Variants in NFIX observed in about 807,000 individuals in gnomAD.
The protein encoded by NFIX is nuclear factor 1 X-type.
In NFIX, 2 loss-of-function variants were observed where a neutral mutation model predicts 53.3. The observed-to-expected ratio is 0.04, with a 90% CI of 0.02 to 0.12. The LOEUF (loss-of-function observed/expected upper bound fraction) is 0.12. NFIX is among the 10% of genes least tolerant of loss of function. The pLI is 1.00. For synonymous variants in NFIX, 244 were observed against 289.0 expected, an observed-to-expected ratio of 0.84 and a Z score of 1.58; for missense variants, 310 against 674.5, an observed-to-expected ratio of 0.46 and a Z score of 5.99.
chr19:13,078,579 A>G lies in NFIX; in HGVS notation c.956-34A>G. On this transcript the variant is annotated intron_variant, in intron 6 of 10. Coordinates refer to ENST00000592199, the MANE Select transcript of NFIX (RefSeq NM_001365902.3). The surrounding 1 kb of genome is among the most constrained non-coding windows in gnomAD (Gnocchi z 4.7). ...TCCCCGCACCCACCCCAGCCCAGCTAAACCTGCCCTGTGTTGCTGCTTCCT... is the reference window on the plus strand; with the variant it reads ...TCCCCGCACCCACCCCAGCCCAGCTGAACCTGCCCTGTGTTGCTGCTTCCT... 6.3e-7 allele frequency: 1 copy of G among 1,581,426 alleles called. No homozygotes were observed. The highest frequency in any genetic ancestry group is 8.6e-7 in the Non-Finnish European group (1 of 1,163,164).
chr19:13,061,799 A>T (rs911777951), intron 2 of NFIX, among the ~76,000 whole-genome samples: 15 of 150,862 alleles, frequency 9.9e-5, no homozygotes, highest in Non-Finnish European at 1.9e-4. Context: ...AAAATATGTT[A>T]AAAAAAAATC....
At position 13,012,443 on chromosome 19, in the gene NFIX, AC is replaced by A. The variant is rs376909764; in HGVS notation, c.28-12571del. 6.8e-6 allele frequency among the ~76,000 whole-genome samples: 1 copy of A among 148,070 alleles called. No individual in the cohort carries two copies. The highest frequency in any genetic ancestry group is 1.5e-5 in the Non-Finnish European group (1 of 66,854). On this transcript the variant is annotated intron_variant, in intron 1 of 10. Coordinates refer to ENST00000592199, the MANE Select transcript of NFIX (RefSeq NM_001365902.3). The surrounding 1 kb of genome is among the most constrained non-coding windows in gnomAD (Gnocchi z 5.0). ...GGGGCGCGGCCTGCCCCTCACAGTG[AC>A]CCCCCCGACCCACCCCCCAAAAAGT...
intron 2 of NFIX, among the ~76,000 whole-genome samples, chr19:13,050,306 T>C (rs1339989808): frequency 2.6e-5 from 4 of 152,268 alleles, no homozygotes; most frequent in Admixed American, 1.3e-4. Context: ...CATGTGTATC[T>C]GGCATGGTCC....
intron 1 of NFIX, among the ~76,000 whole-genome samples, chr19:13,010,400 G>A (rs1023503524): frequency 1.3e-5 from 2 of 152,248 alleles, no homozygotes; most frequent in Non-Finnish European, 2.9e-5. Context: ...TCGGACGTGC[G>A]CACGCACATA....
chr19:13,079,070 C>A (rs2017297955), intron 7 of NFIX, among the ~76,000 whole-genome samples: 1 of 152,242 alleles, frequency 6.6e-6, no homozygotes, highest in Admixed American at 6.5e-5. Flanking sequence ...CAGCTGTGAG[C>A]GGGAAGGCAC....
Position 13,005,915 on chromosome 19 carries a change from C to T in NFIX, c.27+10051C>T, listed in dbSNP as rs1318673605. On this transcript the variant is annotated intron_variant, in intron 1 of 10. Transcript: ENST00000592199. This position sits in a 1 kb window ranked among gnomAD's most constrained non-coding sequence, Gnocchi z 4.7. ...CCCTCACCCCCGCAGGTCCAAACAT[C>T]CTCTCCCACACCTTGCTGGGCACCC... Among the ~76,000 whole-genome samples the T allele has an allele frequency of 6.6e-6, 1 of 152,234 alleles. No homozygotes were observed. The highest frequency in any genetic ancestry group is 2.4e-5 in the African/African-American group (1 of 41,462).
rs1195530631 is a variant in NFIX at position 13,088,185 on chromosome 19, G to C, written c.1402+49G>C. The C allele has an allele frequency of 6.5e-7, 1 of 1,531,112 alleles. No homozygotes were observed. The highest frequency in any genetic ancestry group is 8.7e-7 in the Non-Finnish European group (1 of 1,143,030). The allele number at this position is 1,531,112 out of a possible 1,614,324, so 94.8% of individuals were successfully genotyped here. On this transcript the variant is annotated intron_variant, in intron 9 of 10. Transcript: ENST00000592199. This position sits in a 1 kb window ranked among gnomAD's most constrained non-coding sequence, Gnocchi z 5.9. ...CCACAACGCCCAGCGTCCCCGGCCC[G>C]TCCAAACAGTCTCCACTGCAAAAAG...
At chr19:13,029,135 A>G (rs2013601442) in intron 2 of NFIX, among the ~76,000 whole-genome samples, 1 of 152,180 alleles carries the variant, frequency 6.6e-6, no homozygotes, top group African/African-American at 2.4e-5. Flanking sequence ...ACCCACCACT[A>G]GTGCCAGCAA....
intron 2 of NFIX, among the ~76,000 whole-genome samples, chr19:13,031,649 C>T (rs1048437423): frequency 6.6e-5 from 10 of 152,148 alleles, no homozygotes; most frequent in African/African-American, 2.2e-4. Context: ...GGCTTCCTCC[C>T]GTAGGCGTAG....
At position 13,066,807 on chromosome 19, in the gene NFIX, GAGA is replaced by G. The variant is rs535164989; in HGVS notation, c.560-6237_560-6235del. Among the ~76,000 whole-genome samples the G allele has an allele frequency of 2.3e-3, 354 of 152,262 alleles. 1 individual carries two copies. The highest frequency in any genetic ancestry group is 4.0e-3 in the Non-Finnish European group (269 of 68,014). On this transcript the variant is annotated intron_variant, in intron 2 of 10. Coordinates refer to ENST00000592199, the MANE Select transcript of NFIX (RefSeq NM_001365902.3). This position sits in a 1 kb window ranked among gnomAD's most constrained non-coding sequence, Gnocchi z 4.2. ...CTGGTGGAGCAGGGTGAGGAATGGA[GAGA>G]AGGAGAGGAAGATCCTAGAAGCCCC...
In NFIX at chr19:13,089,992, T is replaced by C. The variant is rs1447313376; in HGVS notation, c.1403-307T>C. ...GACTTGTCTCAGCCTCCAGGGCCTC[T>C]CCCTCATCCCAGCTGTGAAAAAGGA... On this transcript the variant is annotated intron_variant, in intron 9 of 10. Transcript: ENST00000592199. The surrounding 1 kb of genome is among the most constrained non-coding windows in gnomAD (Gnocchi z 4.8). Among the ~76,000 whole-genome samples, 2 of 152,148 alleles carry C rather than the reference T, an allele frequency of 1.3e-5. No individual in the cohort carries two copies. Among genetic ancestry groups the C allele is most frequent in the African/African-American group, 4.8e-5 (2 of 41,422 alleles).
Position 13,078,868 on chromosome 19 carries a change from C to A in NFIX, c.1078+133C>A. 8.9e-7 allele frequency: 1 copy of A among 1,122,174 alleles called. No individual in the cohort carries two copies. Among genetic ancestry groups the A allele is most frequent in the Non-Finnish European group, 1.2e-6 (1 of 813,874 alleles). The allele number at this position is 1,122,174 out of a possible 1,614,324, so 69.5% of individuals were successfully genotyped here. On this transcript the variant is annotated intron_variant, in intron 7 of 10. Coordinates refer to ENST00000592199, the MANE Select transcript of NFIX (RefSeq NM_001365902.3). The surrounding 1 kb of genome is among the most constrained non-coding windows in gnomAD (Gnocchi z 4.7). The stretch of plus-strand genomic sequence containing the variant: ...GCTCTCCAAGTGGGCCAAGGTGCAG[C>A]AGCGGGTGGGCATGGGAGCCGGCCC...
chr19:13,081,674 A>G lies in NFIX; in HGVS notation c.1079-6A>G. Reference sequence around the variant, plus strand: ...CGCCCTTTTTTCCCTGCCCACGTGCATGCAGGGAGCCCCCGGGCCACAGCA... The same window carrying G: ...CGCCCTTTTTTCCCTGCCCACGTGCGTGCAGGGAGCCCCCGGGCCACAGCA... On this transcript the variant is annotated splice_polypyrimidine_tract_variant and splice_region_variant and intron_variant, in intron 7 of 10. Transcript: ENST00000592199. The surrounding 1 kb of genome is among the most constrained non-coding windows in gnomAD (Gnocchi z 4.7). The G allele has an allele frequency of 6.2e-7, 1 of 1,611,720 alleles. No homozygotes were observed. The highest frequency in any genetic ancestry group is 8.5e-7 in the Non-Finnish European group (1 of 1,178,364).
In NFIX at chr19:13,053,347, G is replaced by A. The variant is rs929878464; in HGVS notation, c.560-19700G>A. 1.4e-4 allele frequency among the ~76,000 whole-genome samples: 22 copies of A among 152,152 alleles called. 1 individual carries two copies. Among genetic ancestry groups the A allele is most frequent in the Admixed American group, 5.2e-4 (8 of 15,282 alleles). ...TGTAGCTCCCTCACAGGGCTGGGGA[G>A]CAATAGACAAACTCTCCAAAAATAT... On this transcript the variant is annotated intron_variant, in intron 2 of 10. Coordinates refer to ENST00000592199, the MANE Select transcript of NFIX (RefSeq NM_001365902.3).
At chr19:13,010,263 G>T (rs914721237) in intron 1 of NFIX, among the ~76,000 whole-genome samples, 1 of 152,188 alleles carries the variant, frequency 6.6e-6, no homozygotes, top group Non-Finnish European at 1.5e-5. Flanking sequence ...GGTCCGGACG[G>T]CGGCCCTCGC....
At position 13,036,004 on chromosome 19, in the gene NFIX, G is replaced by A. The variant is rs1410448562; in HGVS notation, c.559+10452G>A. Among the ~76,000 whole-genome samples, 2 of 152,214 alleles carry A rather than the reference G, an allele frequency of 1.3e-5. No individual in the cohort carries two copies. Among genetic ancestry groups the A allele is most frequent in the Non-Finnish European group, 2.9e-5 (2 of 68,036 alleles). On this transcript the variant is annotated intron_variant, in intron 2 of 10. Coordinates refer to ENST00000592199, the MANE Select transcript of NFIX (RefSeq NM_001365902.3). The surrounding 1 kb of genome is among the most constrained non-coding windows in gnomAD (Gnocchi z 4.7). Reference sequence around the variant, plus strand: ...ACAGGGCATGTACTGGTGTCTGAGTGGTTAGGATCCCACTCTGGGGGATTC... The same window carrying A: ...ACAGGGCATGTACTGGTGTCTGAGTAGTTAGGATCCCACTCTGGGGGATTC...
intron 1 of NFIX, among the ~76,000 whole-genome samples, chr19:13,019,193 G>A (rs1307763162): frequency 6.6e-6 from 1 of 151,944 alleles, no homozygotes; most frequent in African/African-American, 2.4e-5. Context: ...TATGCTTCTA[G>A]ATGTTTCACT....
In NFIX at chr19:13,089,839, G is replaced by A. The variant is rs1191389535; in HGVS notation, c.1403-460G>A. Among the ~76,000 whole-genome samples, 1 of 152,140 alleles carries A rather than the reference G, an allele frequency of 6.6e-6. No homozygotes were observed. The highest frequency in any genetic ancestry group is 1.5e-5 in the Non-Finnish European group (1 of 67,994). On this transcript the variant is annotated intron_variant, in intron 9 of 10. Transcript: ENST00000592199. The surrounding 1 kb of genome is among the most constrained non-coding windows in gnomAD (Gnocchi z 4.8). ...ACTGCCAAAGCCTCCACCCTCCCCT[G>A]GCCCCCTCTCTTCAGTACCTGAGAG...
At chr19:13,055,341 C>T (rs1033146815) in intron 2 of NFIX, among the ~76,000 whole-genome samples, 1 of 152,088 alleles carries the variant, frequency 6.6e-6, no homozygotes, top group African/African-American at 2.4e-5. Context: ...GCCTGCCCTT[C>T]CCCGAGGGCC....
Sources: allele counts gnomAD v4.1 joint callset (sites outside exome capture counted in the v4.1 genomes callset), GRCh38; gene constraint gnomAD v4.1.1; non-coding constraint Gnocchi (gnomAD v3.1); transcripts MANE v1.5; gene names NCBI Gene and HGNC (gene_info 2026-07-23, HGNC 2026-07-21).